The following ERBB4 variants were observed in gnomAD, a reference collection of about 807,000 sequenced individuals.
The protein encoded by ERBB4 is receptor tyrosine-protein kinase erbB-4.
Under a neutral mutation model 158.0 loss-of-function variants are expected in ERBB4, and 42 were observed. The ratio of observed to expected loss-of-function variants is 0.27; its 90% CI spans 0.21 to 0.34. The LOEUF is 0.34. Among genes scored for constraint, ERBB4 ranks in the 10% least tolerant of loss-of-function variants. The probability of loss-of-function intolerance (pLI) is 1.00; values close to 1 mark genes in which losing one functional copy is unlikely to be tolerated. For synonymous variants in ERBB4, 583 were observed against 558.7 expected (o/e 1.04, Z -0.61); for missense variants, 1,333 against 1,624.1 (o/e 0.82, Z 3.08).
intron 25 of ERBB4, among the ~76,000 whole-genome samples, chr2:211,402,852 C>T (rs79874509): frequency 0.011 from 1,713 of 152,056 alleles, 36 homozygotes; most frequent in African/African-American, 0.039. Context: ...GTCCCCAAAG[C>T]GGCTTTCACT....
rs10556403 is a variant in ERBB4 at position 212,510,205 on chromosome 2, G to GTATATATATATATATATATA, written c.82+28224_82+28243dup. The stretch of plus-strand genomic sequence containing the variant: ...AAACACCTTCCATCCTAACCACACA[G>GTATATATATATATATATATA]TATATATATATATATATATATATAT... On this transcript the variant is annotated intron_variant, in intron 1 of 27. Coordinates refer to ENST00000342788, the MANE Select transcript of ERBB4 (RefSeq NM_005235.3). 2.5e-3 allele frequency among the ~76,000 whole-genome samples: 330 copies of GTATATATATATATATATATA among 130,352 alleles called. 3 individuals are homozygous for GTATATATATATATATATATA. The highest frequency in any genetic ancestry group is 8.7e-3 in the African/African-American group (289 of 33,076). 85.5% of individuals were successfully genotyped at this position (130,352 alleles called of 152,430 possible). A position where few individuals can be genotyped will look rare whatever the true frequency, so the allele number is the denominator to read the frequency against.
chr2:211,721,183 G>A (rs898058322), intron 7 of ERBB4, among the ~76,000 whole-genome samples: 4 of 152,082 alleles, frequency 2.6e-5, no homozygotes, highest in Non-Finnish European at 5.9e-5. Flanking sequence ...CCTATCACAC[G>A]AAGTCAGGTG....
chr2:211,826,138 A>G (rs1171085896), intron 3 of ERBB4, among the ~76,000 whole-genome samples: 1 of 151,620 alleles, frequency 6.6e-6, no homozygotes, highest in African/African-American at 2.4e-5. Flanking sequence ...ACTAAAAGTT[A>G]AAATTTCAAT....
intron 3 of ERBB4, among the ~76,000 whole-genome samples, chr2:211,862,946 C>T (rs1009149276): frequency 6.6e-6 from 1 of 151,766 alleles, no homozygotes; most frequent in African/African-American, 2.4e-5. Context: ...CCAATCAGCA[C>T]TCTTTAAAAA....
At chr2:211,984,318 T>C (rs960374599) in intron 2 of ERBB4, among the ~76,000 whole-genome samples, 2 of 152,176 alleles carry the variant, frequency 1.3e-5, no homozygotes, top group Non-Finnish European at 2.9e-5. Flanking sequence ...TTCTAATGTA[T>C]GAATCTTCAG....
intron 2 of ERBB4, among the ~76,000 whole-genome samples, chr2:211,986,112 T>C (rs1041481165): frequency 2.0e-5 from 3 of 152,184 alleles, no homozygotes; most frequent in African/African-American, 7.2e-5. Flanking sequence ...GTGGTGGGTC[T>C]ACAAGTCAAA....
At chr2:212,455,046 A>T (rs1688209906) in intron 1 of ERBB4, among the ~76,000 whole-genome samples, 1 of 152,188 alleles carries the variant, frequency 6.6e-6, no homozygotes, top group Non-Finnish European at 1.5e-5. Flanking sequence ...ATCCAAATCA[A>T]ATAGGTCGTG....
chr2:211,673,243 A>C lies in ERBB4; in HGVS notation c.1637T>G (p.Phe546Cys). 1 of 1,613,448 alleles carries C rather than the reference A, an allele frequency of 6.2e-7. No homozygotes were observed. Residue 546 changes from phenylalanine (F) to cysteine (C), a missense_variant, in exon 14 of 28, where the codon TTT becomes TGT. Transcript: ENST00000342788. ...CTCCACACAGATGGAGCCATTCTCA[A>C]ACTCCCGAAATTCACTGTGAAAACA... is the stretch of plus-strand genomic sequence containing the variant. ...CNLYDGEFRE[F>C]ENGSICVECD...
At chr2:211,528,131 C>T (rs1559262711) in intron 20 of ERBB4, among the ~76,000 whole-genome samples, 1 of 151,938 alleles carries the variant, frequency 6.6e-6, no homozygotes, top group Non-Finnish European at 1.5e-5. Flanking sequence ...CCTATAAAGA[C>T]ACACACAGAC....
intron 3 of ERBB4, among the ~76,000 whole-genome samples, chr2:211,870,567 AT>A (rs758989473): frequency 3.3e-5 from 5 of 152,170 alleles, no homozygotes; most frequent in African/African-American, 4.8e-5. Context: ...AAGCAGTGAT[AT>A]GTTCTAATAG....
intron 1 of ERBB4, among the ~76,000 whole-genome samples, chr2:212,229,243 T>C (rs2083582501): frequency 6.6e-6 from 1 of 152,148 alleles, no homozygotes; most frequent in Non-Finnish European, 1.5e-5. Context: ...TAGAAGCAGA[T>C]AATTAGAACA....
intron 3 of ERBB4, among the ~76,000 whole-genome samples, chr2:211,821,207 T>A (rs924303317): frequency 7.3e-5 from 11 of 151,574 alleles, no homozygotes; most frequent in African/African-American, 2.7e-4. Context: ...GATTGCAAAA[T>A]CAACATACAA....
chr2:212,204,985 G>A (rs2082702931), intron 1 of ERBB4, among the ~76,000 whole-genome samples: 1 of 150,702 alleles, frequency 6.6e-6, no homozygotes, highest in Non-Finnish European at 1.5e-5. Flanking sequence ...CGCCCGGCTA[G>A]TTTTGTATTT....
intron 20 of ERBB4, among the ~76,000 whole-genome samples, chr2:211,502,073 G>A (rs1574620133): frequency 6.6e-6 from 1 of 152,230 alleles, no homozygotes; most frequent in African/African-American, 2.4e-5. Context: ...AAAGAAATGA[G>A]TTCAAAATGG....
chr2:212,475,555 A>G (rs1441335047), intron 1 of ERBB4, among the ~76,000 whole-genome samples: 1 of 152,198 alleles, frequency 6.6e-6, no homozygotes, highest in Non-Finnish European at 1.5e-5. Context: ...AAGCACTCAC[A>G]TAATAATTCT....
chr2:212,303,178 G>A (rs2086683866), intron 1 of ERBB4, among the ~76,000 whole-genome samples: 1 of 151,358 alleles, frequency 6.6e-6, no homozygotes, highest in Admixed American at 6.6e-5. Context: ...TATAGAAAGG[G>A]CAGGAAAAGC....
At chr2:212,049,354 T>A (rs531555830) in intron 2 of ERBB4, among the ~76,000 whole-genome samples, 32 of 151,988 alleles carry the variant, frequency 2.1e-4, no homozygotes, top group South Asian at 1.9e-3. Context: ...TCATTTTTTT[T>A]AAATTAATTT....
At chr2:211,385,667 G>A (rs916337672) in intron 27 of ERBB4, among the ~76,000 whole-genome samples, 12 of 152,162 alleles carry the variant, frequency 7.9e-5, no homozygotes, top group African/African-American at 2.9e-4. Flanking sequence ...GGAGCTTAGT[G>A]TTCAGAGATA....
At chr2:212,274,189 G>A (rs1290986074) in intron 1 of ERBB4, among the ~76,000 whole-genome samples, 4 of 151,776 alleles carry the variant, frequency 2.6e-5, no homozygotes, top group Non-Finnish European at 4.4e-5. Flanking sequence ...CTGTCTGAAA[G>A]GTCAGGAAAC....
Sources: gnomAD v4.1 joint callset for allele counts (sites outside exome capture counted in the v4.1 genomes callset) on GRCh38, gnomAD v4.1.1 for gene constraint, MANE v1.5 for transcripts, NCBI Gene and HGNC (gene_info 2026-07-23, HGNC 2026-07-21) for gene names.